Variants in MAPT observed in about 807,000 individuals in gnomAD.
The protein encoded by MAPT is microtubule associated protein tau.
MAPT carries 34 observed loss-of-function variants against 67.9 expected under a neutral mutation model. That is an observed-to-expected ratio of 0.50 (90% CI 0.38 to 0.67). MAPT has a LOEUF of 0.67. Ranked by LOEUF, MAPT falls within the 30% of genes least tolerant of loss-of-function variation. MAPT has a pLI of 0.00. For synonymous variants in MAPT, 456 were observed against 464.5 expected (o/e 0.98, Z 0.23); for missense variants, 881 against 1,115.2 (o/e 0.79, Z 2.99).
chr17:45,903,756 T>TA (rs200953493), intron 1 of MAPT, among the ~76,000 whole-genome samples: 13,721 of 71,926 alleles, frequency 0.19, 2,083 homozygotes, highest in African/African-American at 0.26. Flanking sequence ...TTTATATATA[T>TA]TTTTTTTATA....
chr17:45,993,478 A>G (rs2074235693), intron 8 of MAPT, among the ~76,000 whole-genome samples: 2 of 152,160 alleles, frequency 1.3e-5, no homozygotes, highest in Admixed American at 1.3e-4. Flanking sequence ...CAGTGGCACA[A>G]TCTTGGCATA....
At chr17:45,945,920 C>T (rs1049449953) in intron 1 of MAPT, among the ~76,000 whole-genome samples, 8 of 152,190 alleles carry the variant, frequency 5.3e-5, no homozygotes, top group African/African-American at 1.9e-4. Flanking sequence ...GGGAAAATTA[C>T]ATGTGTGCAT....
chr17:45,997,343 T>A (rs2074570902), intron 9 of MAPT, among the ~76,000 whole-genome samples: 1 of 152,112 alleles, frequency 6.6e-6, no homozygotes, highest in Non-Finnish European at 1.5e-5. Context: ...TAGCCAGGTG[T>A]GGGCGGGTGG....
chr17:45,997,576 G>A (rs1490322172), intron 9 of MAPT, among the ~76,000 whole-genome samples: 3 of 152,136 alleles, frequency 2.0e-5, no homozygotes, highest in African/African-American at 7.2e-5. Flanking sequence ...TGACCAACAG[G>A]GTGAAACCTC....
chr17:46,024,529 T>G lies in MAPT; in HGVS notation c.*358T>G. ...GAGAAGGAGAGGCTCTGAAAGCTGC[T>G]TCTGGGGGATTTCAAGGGACTGGGG... On this transcript the variant is annotated 3_prime_UTR_variant, in exon 13 of 13. Coordinates refer to ENST00000262410, the MANE Select transcript of MAPT (RefSeq NM_001377265.1). The G allele has an allele frequency of 2.6e-6, 1 of 377,466 alleles. No individual in the cohort carries two copies. Among genetic ancestry groups the G allele is most frequent in the African/African-American group, 2.1e-5 (1 of 48,286 alleles). The allele number at this position is 377,466 out of a possible 1,614,324, so 23.4% of individuals were successfully genotyped here. A position where few individuals can be genotyped will look rare whatever the true frequency, so the allele number is the denominator to read the frequency against.
rs188538860 is a variant in MAPT, at chr17:45,987,462, T to G, written c.1407+367T>G. ...ACAGTAAATGAAGCCATCTTCTCAC[T>G]GCATAAACTGCACCCAGATCTTCGC... On this transcript the variant is annotated intron_variant, in intron 6 of 12. Transcript: ENST00000262410. 2.3e-5 allele frequency among the ~76,000 whole-genome samples: 3 copies of G among 132,992 alleles called. No homozygotes were observed. In the Admixed American group the frequency reaches 2.3e-4, roughly 10 times the overall value. The allele number at this position is 132,992 out of a possible 152,430, so 87.2% of individuals were successfully genotyped here. A position where few individuals can be genotyped will look rare whatever the true frequency, so the allele number is the denominator to read the frequency against.
rs1394801933 is a variant in MAPT, at chr17:45,917,742, C to T, written c.-18+23056C>T. 2.6e-5 allele frequency among the ~76,000 whole-genome samples: 4 copies of T among 151,932 alleles called. No homozygotes were observed. In the East Asian group the frequency reaches 7.7e-4, roughly 29 times the overall value. On this transcript the variant is annotated intron_variant, in intron 1 of 12. Transcript: ENST00000262410. ...CCCTTTGGTCCATCCGTAAAGTGAA[C>T]TCTGTGGATCCTGGAGGATTCCAGC...
chr17:45,993,844 G>T, intron 8 of MAPT: 5 of 1,423,264 alleles, frequency 3.5e-6, no homozygotes, highest in African/African-American at 1.4e-5. Context: ...CCAGCTGTGG[G>T]TGCCTGCCAC....
chr17:45,902,737 A>G (rs911423170), intron 1 of MAPT, among the ~76,000 whole-genome samples: 6 of 152,230 alleles, frequency 3.9e-5, no homozygotes, highest in African/African-American at 1.2e-4. Context: ...TCCCTTTGCT[A>G]TATTAACTCC....
chr17:45,991,447 G>GT lies in MAPT; in HGVS notation c.1606-10dup. On this transcript the variant is annotated splice_polypyrimidine_tract_variant and intron_variant, in intron 7 of 12. Coordinates refer to ENST00000262410, the MANE Select transcript of MAPT (RefSeq NM_001377265.1). ...CAATGGTGAAAAACCCCTCTATCAT[G>GT]TTTCATTTACAGGGGGCTGATGGTA... 2 of 1,614,194 alleles carry GT rather than the reference G, an allele frequency of 1.2e-6. No homozygotes were observed. The highest frequency in any genetic ancestry group is 8.5e-7 in the Non-Finnish European group (1 of 1,180,038).
At chr17:45,975,707 A>T (rs1464272697) in intron 3 of MAPT, 2 of 152,240 alleles carry the variant, frequency 1.3e-5, no homozygotes, top group Admixed American at 1.3e-4. Context: ...GTGGCAAAAC[A>T]GTGTGCAAAA....
intron 9 of MAPT, among the ~76,000 whole-genome samples, chr17:46,009,683 A>G (rs1411857076): frequency 3.3e-5 from 5 of 152,188 alleles, no homozygotes; most frequent in Non-Finnish European, 7.3e-5. Context: ...TGTCCTGCCT[A>G]CGGGGTCAGG....
In MAPT at chr17:45,984,703, C is replaced by T. The variant is rs186815445; in HGVS notation, c.1351+773C>T. ...GAGGACAAGGGGATCCTCATGCTGG[C>T]ATTGGAGGGGGTTGAGCAGGGCCCA... On this transcript the variant is annotated intron_variant, in intron 5 of 12. Coordinates refer to ENST00000262410, the MANE Select transcript of MAPT (RefSeq NM_001377265.1). 2.2e-4 allele frequency among the ~76,000 whole-genome samples: 34 copies of T among 152,314 alleles called. No homozygotes were observed. In the South Asian group the frequency reaches 3.5e-3, roughly 16 times the overall value.
rs2146253548 is a variant in MAPT, at chr17:46,027,086, G to A, written c.*2915G>A. ...ATCTGAGAAGGAGAAGGAAATGTGG[G>A]GTAGATTTGGTGGTGGTTAGAGATA... On this transcript the variant is annotated 3_prime_UTR_variant, in exon 13 of 13. Coordinates refer to ENST00000262410, the MANE Select transcript of MAPT (RefSeq NM_001377265.1). 6.6e-6 allele frequency: 1 copy of A among 152,234 alleles called. No individual in the cohort carries two copies. 9.4% of individuals were successfully genotyped at this position (152,234 alleles called of 1,614,324 possible).
At chr17:45,938,307 C>A (rs917018278) in intron 1 of MAPT, among the ~76,000 whole-genome samples, 1 of 152,220 alleles carries the variant, frequency 6.6e-6, no homozygotes, top group Non-Finnish European at 1.5e-5. Flanking sequence ...TTCATGCATT[C>A]CTTGGCTCAT....
chr17:45,920,828 A>C (rs537691850), intron 1 of MAPT, among the ~76,000 whole-genome samples: 13 of 152,280 alleles, frequency 8.5e-5, no homozygotes, highest in African/African-American at 2.9e-4. Context: ...TAGCAGCAGC[A>C]TGAGGGGTTC....
chr17:45,984,196 C>A (rs2073308941), intron 5 of MAPT, among the ~76,000 whole-genome samples: 1 of 152,224 alleles, frequency 6.6e-6, no homozygotes, highest in African/African-American at 2.4e-5. Context: ...TTGTTTGACT[C>A]TCTGGCCACT....
intron 9 of MAPT, among the ~76,000 whole-genome samples, chr17:45,997,474 T>G (rs111420410): frequency 6.6e-6 from 1 of 152,176 alleles, no homozygotes; most frequent in African/African-American, 2.4e-5. Context: ...AAGAACACCA[T>G]GGCAGCTGGG....
chr17:45,903,763 TA>T (rs1407508236), intron 1 of MAPT, among the ~76,000 whole-genome samples: 30 of 91,960 alleles, frequency 3.3e-4, no homozygotes, highest in African/African-American at 1.1e-3. Flanking sequence ...ATATTTTTTT[TA>T]TATATATAAT....
Sources: gnomAD v4.1 joint callset for allele counts (sites outside exome capture counted in the v4.1 genomes callset) on GRCh38, gnomAD v4.1.1 for gene constraint, MANE v1.5 for transcripts, NCBI Gene and HGNC (gene_info 2026-07-23, HGNC 2026-07-21) for gene names.